Variants in PLSCR4 observed in about 807,000 individuals in gnomAD.
PLSCR4 encodes phospholipid scramblase 4, also known as Ca(2+)-dependent phospholipid scramblase 4.
PLSCR4 carries 25 observed loss-of-function variants against 36.3 expected under a neutral mutation model. The ratio of observed to expected loss-of-function variants is 0.69; its 90% confidence interval spans 0.50 to 0.96. The LOEUF (loss-of-function observed/expected upper bound fraction) is 0.96. Among genes scored for constraint, PLSCR4 ranks in the 40% least tolerant of loss-of-function variants. PLSCR4 has a pLI of 0.00. For synonymous variants in PLSCR4, 122 were observed against 132.9 expected, an observed-to-expected ratio of 0.92 and a Z score of 0.56; for missense variants, 408 against 414.7, an observed-to-expected ratio of 0.98 and a Z score of 0.14.
intron 1 of PLSCR4, among the ~76,000 whole-genome samples, chr3:146,223,939 T>A (rs1358477382): frequency 7.0e-6 from 1 of 143,812 alleles, no homozygotes; most frequent in African/African-American, 2.5e-5. Flanking sequence ...TACAAATATA[T>A]AATAATTATA....
In PLSCR4 at chr3:146,203,923, T is replaced by C. The variant is rs1388655516; in HGVS notation, c.354+2603A>G. Among the ~76,000 whole-genome samples, 5 of 152,188 alleles carry C rather than the reference T, an allele frequency of 3.3e-5. No individual in the cohort carries two copies. In the East Asian group the frequency reaches 9.7e-4, roughly 29 times the overall value. ...CCTTTGCATTCACAGCTTGGCTAAC[T>C]GGTGCTAGAAGACTAGCTTTTGGCC... On this transcript the variant is annotated intron_variant, in intron 4 of 8. Transcript: ENST00000354952.
intron 2 of PLSCR4, 26 bp from the exon 3 acceptor site, chr3:146,220,951 C>T (rs1259384914): frequency 7.3e-7 from 1 of 1,361,566 alleles, no homozygotes; most frequent in Non-Finnish European, 1.0e-6. Context: ...GGGAACATGA[C>T]TTACAAAGGA....
At chr3:146,211,105 A>T (rs527497035) in intron 3 of PLSCR4, among the ~76,000 whole-genome samples, 44 of 152,168 alleles carry the variant, frequency 2.9e-4, no homozygotes, top group Admixed American at 6.5e-4. Context: ...TAGCTGAAAT[A>T]TTTAGTAACT....
chr3:146,208,066 G>T (rs1004136053), intron 3 of PLSCR4, among the ~76,000 whole-genome samples: 11 of 152,046 alleles, frequency 7.2e-5, no homozygotes, highest in Non-Finnish European at 1.3e-4. Flanking sequence ...AAAACAAGAT[G>T]GTACTGGTAT....
chr3:146,239,520 A>AT (rs1491419719), intron 1 of PLSCR4, among the ~76,000 whole-genome samples: 3 of 7,340 alleles, frequency 4.1e-4, no homozygotes, highest in Non-Finnish European at 2.1e-3. Context: ...ATCCACATAC[A>AT]AAAAAAAAAA....
chr3:146,218,582 G>C (rs1008397272), intron 3 of PLSCR4, among the ~76,000 whole-genome samples: 1 of 151,916 alleles, frequency 6.6e-6, no homozygotes, highest in Non-Finnish European at 1.5e-5. Flanking sequence ...ATAAAAGAAG[G>C]AAAACATATG....
chr3:146,248,115 A>G (rs117566086), intron 1 of PLSCR4, among the ~76,000 whole-genome samples: 2 of 152,336 alleles, frequency 1.3e-5, no homozygotes, highest in East Asian at 3.9e-4. Flanking sequence ...AAATCCCTCA[A>G]GCAAAATTCT....
chr3:146,206,895 T>G (rs2034364524), intron 3 of PLSCR4, 134 bp from the exon 4 acceptor site: 1 of 628,846 alleles, frequency 1.6e-6, no homozygotes, highest in Non-Finnish European at 2.8e-6. Flanking sequence ...TCACACTTTA[T>G]GCAGATCATG....
At chr3:146,224,815 G>A (rs1168252712) in intron 1 of PLSCR4, among the ~76,000 whole-genome samples, 8 of 151,244 alleles carry the variant, frequency 5.3e-5, no homozygotes, top group Admixed American at 1.3e-4. Context: ...CAATCCCTGC[G>A]CTAGATACAA....
intron 5 of PLSCR4, among the ~76,000 whole-genome samples, chr3:146,200,530 GA>G (rs1399014934): frequency 1.3e-5 from 2 of 152,070 alleles, no homozygotes; most frequent in Non-Finnish European, 2.9e-5. Context: ...CTTGTAGGAT[GA>G]ACTGAGAACA....
intron 8 of PLSCR4, among the ~76,000 whole-genome samples, chr3:146,194,769 A>G (rs2108195025): frequency 6.6e-6 from 1 of 152,280 alleles, no homozygotes; most frequent in Middle Eastern, 3.4e-3. Context: ...TCCACTTTAG[A>G]GTTATTTCAC....
intron 1 of PLSCR4, among the ~76,000 whole-genome samples, chr3:146,230,289 A>T (rs1306745141): frequency 6.6e-6 from 1 of 152,208 alleles, no homozygotes; most frequent in Non-Finnish European, 1.5e-5. Context: ...TCCTTTTTAG[A>T]AAATCAAGAA....
intron 1 of PLSCR4, among the ~76,000 whole-genome samples, chr3:146,249,226 A>G (rs1040170538): frequency 1.3e-5 from 2 of 152,066 alleles, no homozygotes; most frequent in Non-Finnish European, 2.9e-5. Flanking sequence ...CCCACATGCA[A>G]TGTGCACAAA....
At chr3:146,236,582 A>G (rs2035928851) in intron 1 of PLSCR4, among the ~76,000 whole-genome samples, 1 of 152,094 alleles carries the variant, frequency 6.6e-6, no homozygotes, top group African/African-American at 2.4e-5. Flanking sequence ...TGATGGTTTC[A>G]TAAGGGGAAG....
chr3:146,246,266 T>C lies in PLSCR4; in HGVS notation c.-22+4694A>G, dbSNP rs577284449. 1.1e-4 allele frequency among the ~76,000 whole-genome samples: 17 copies of C among 152,222 alleles called. No homozygotes were observed. The East Asian group carries it at 3.1e-3, about 28-fold the overall frequency. ...TAGAAGAAACTTAGGGAGTGATTAATGTTCAACAAATTACAAGGGCAAAAC... is the reference window on the plus strand; with the variant it reads ...TAGAAGAAACTTAGGGAGTGATTAACGTTCAACAAATTACAAGGGCAAAAC... On this transcript the variant is annotated intron_variant, in intron 1 of 8. Transcript: ENST00000354952.
intron 1 of PLSCR4, among the ~76,000 whole-genome samples, chr3:146,224,937 G>A (rs2035378248): frequency 6.6e-6 from 1 of 151,148 alleles, no homozygotes; most frequent in Non-Finnish European, 1.5e-5. Flanking sequence ...GGTTCTCCAA[G>A]GCCCCACCAG....
At chr3:146,239,382 A>G (rs1251739159) in intron 1 of PLSCR4, among the ~76,000 whole-genome samples, 1 of 152,192 alleles carries the variant, frequency 6.6e-6, no homozygotes, top group Non-Finnish European at 1.5e-5. Context: ...GAATAGACAT[A>G]TAGACCAAAG....
At chr3:146,218,030 C>A (rs777597392) in intron 3 of PLSCR4, among the ~76,000 whole-genome samples, 1 of 151,992 alleles carries the variant, frequency 6.6e-6, no homozygotes, top group Non-Finnish European at 1.5e-5. Context: ...TTGAGAACAG[C>A]ACTTTTTAAG....
chr3:146,202,810 G>A (rs778531520), intron 4 of PLSCR4, among the ~76,000 whole-genome samples: 45 of 152,002 alleles, frequency 3.0e-4, no homozygotes, highest in Non-Finnish European at 2.4e-4. Flanking sequence ...AATGTTCACA[G>A]AATTCTCACC....
Sources: gnomAD v4.1 joint callset for allele counts (sites outside exome capture counted in the v4.1 genomes callset) on GRCh38, gnomAD v4.1.1 for gene constraint, MANE v1.5 for transcripts, NCBI Gene and HGNC (gene_info 2026-07-23, HGNC 2026-07-21) for gene names.